Variants in DPP6 observed in about 807,000 individuals in gnomAD.
The protein encoded by DPP6 is dipeptidyl peptidase like 6, also known as A-type potassium channel modulatory protein DPP6.
DPP6 carries 69 observed loss-of-function variants against 122.6 expected under a neutral mutation model. That is an observed-to-expected ratio of 0.56 (90% confidence interval 0.46 to 0.69). The LOEUF (loss-of-function observed/expected upper bound fraction) is 0.69. DPP6 is among the 30% of genes least tolerant of loss of function. The pLI, the probability that DPP6 is intolerant of heterozygous loss-of-function variation, is 0.00. For synonymous variants in DPP6, 418 were observed against 433.1 expected, an observed-to-expected ratio of 0.97 and a Z score of 0.43; for missense variants, 928 against 1,116.9, an observed-to-expected ratio of 0.83 and a Z score of 2.41.
Position 154,570,979 on chromosome 7 carries a change from GTGCT to G in DPP6, c.627+4065_627+4068del, listed in dbSNP as rs548425523. ...GCACCAGCATTATAGTTTGCAATGT[GTGCT>G]TATTTACACCACCTTATTTTATCTC... On this transcript the variant is annotated intron_variant, in intron 5 of 25. Coordinates refer to ENST00000377770, the MANE Select transcript of DPP6 (RefSeq NM_130797.4). Among the ~76,000 whole-genome samples, 315 of 152,288 alleles carry G rather than the reference GTGCT, an allele frequency of 2.1e-3. 5 individuals are homozygous for G. The highest frequency in any genetic ancestry group is 0.01 in the Middle Eastern group (3 of 294).
At chr7:154,716,028 C>G (rs1253540086) in intron 7 of DPP6, among the ~76,000 whole-genome samples, 3 of 152,212 alleles carry the variant, frequency 2.0e-5, no homozygotes, top group Non-Finnish European at 2.9e-5. Flanking sequence ...CACACACCCA[C>G]ACCCTGTAGA....
chr7:154,264,221 G>T (rs1047519877), intron 1 of DPP6, among the ~76,000 whole-genome samples: 1 of 152,112 alleles, frequency 6.6e-6, no homozygotes, highest in Non-Finnish European at 1.5e-5. Flanking sequence ...CTCATTATGT[G>T]TAATGCATTT....
At chr7:154,547,838 C>T (rs1783710912) in intron 4 of DPP6, among the ~76,000 whole-genome samples, 1 of 152,096 alleles carries the variant, frequency 6.6e-6, no homozygotes, top group African/African-American at 2.4e-5. Flanking sequence ...TCTCTTACTA[C>T]AAGATAGAAC....
chr7:154,117,255 G>C (rs1360939853), intron 1 of DPP6, among the ~76,000 whole-genome samples: 3 of 152,222 alleles, frequency 2.0e-5, no homozygotes, highest in African/African-American at 4.8e-5. Flanking sequence ...CAAAATAATT[G>C]AGTGGAGAGA....
At chr7:154,010,099 C>T (rs1345433761) in intron 1 of DPP6, among the ~76,000 whole-genome samples, 1 of 152,120 alleles carries the variant, frequency 6.6e-6, no homozygotes, top group Non-Finnish European at 1.5e-5. Context: ...TTTTCCTGCC[C>T]TGAGACTGAC....
At position 154,892,533 on chromosome 7, in the gene DPP6, G is replaced by A. The variant is rs1198610986; in HGVS notation, c.*53G>A. 4 of 1,601,180 alleles carry A rather than the reference G, an allele frequency of 2.5e-6. No homozygotes were observed. The highest frequency in any genetic ancestry group is 3.4e-6 in the Non-Finnish European group (4 of 1,171,980). On this transcript the variant is annotated 3_prime_UTR_variant, in exon 26 of 26. Transcript: ENST00000377770. ...GCTCTTTCTACAACCAGATGCAACCGAGGGATTTCCCTGCCCTCCCTCTTC... is the reference window on the plus strand; with the variant it reads ...GCTCTTTCTACAACCAGATGCAACCAAGGGATTTCCCTGCCCTCCCTCTTC...
intron 1 of DPP6, among the ~76,000 whole-genome samples, chr7:154,027,877 A>T (rs554419210): frequency 1.6e-3 from 241 of 151,672 alleles, no homozygotes; most frequent in Middle Eastern, 3.4e-3. Flanking sequence ...TGCACCTATC[A>T]TACTGACAGC....
In DPP6 at chr7:154,772,070, G is replaced by A. The variant is rs73498095; in HGVS notation, c.1039-775G>A. On this transcript the variant is annotated intron_variant, in intron 9 of 25. Coordinates refer to ENST00000377770, the MANE Select transcript of DPP6 (RefSeq NM_130797.4). ...CCAGTAGGGTGCCCTTGATTTTACA[G>A]TGAACTCTCAGAAGGTGCTCTGAAG... 4.8e-3 allele frequency among the ~76,000 whole-genome samples: 732 copies of A among 152,254 alleles called. 7 individuals carry two copies. Among genetic ancestry groups the A allele is most frequent in the African/African-American group, 0.017 (713 of 41,540 alleles).
chr7:154,673,085 A>G (rs1344842770), intron 7 of DPP6, among the ~76,000 whole-genome samples: 2 of 152,186 alleles, frequency 1.3e-5, no homozygotes, highest in Non-Finnish European at 2.9e-5. Flanking sequence ...CTCCGTCTGC[A>G]CAGAAAATTC....
intron 5 of DPP6, among the ~76,000 whole-genome samples, chr7:154,627,329 G>T (rs1835149696): frequency 6.6e-6 from 1 of 151,276 alleles, no homozygotes; most frequent in African/African-American, 2.4e-5. Flanking sequence ...CCAAGTAGCT[G>T]GGACTACAGG....
chr7:154,413,977 A>C (rs926050400), intron 1 of DPP6, among the ~76,000 whole-genome samples: 1 of 152,218 alleles, frequency 6.6e-6, no homozygotes, highest in Non-Finnish European at 1.5e-5. Flanking sequence ...ATCATTGAGA[A>C]TAAGTGAAGC....
chr7:154,287,256 T>C (rs1467654881), intron 1 of DPP6, among the ~76,000 whole-genome samples: 1 of 152,228 alleles, frequency 6.6e-6, no homozygotes. Context: ...AGGGTTCACA[T>C]GTGACCATGT....
chr7:153,947,837 A>C (rs1032276435), intron 1 of DPP6, among the ~76,000 whole-genome samples: 1 of 152,282 alleles, frequency 6.6e-6, no homozygotes, highest in African/African-American at 2.4e-5. Context: ...GGTGGGTCCT[A>C]GGACCTCCTT....
At chr7:153,864,308 T>C in the DPP6 span, among the ~76,000 whole-genome samples, 1 of 152,192 alleles carries the variant, frequency 6.6e-6, no homozygotes, top group Non-Finnish European at 1.5e-5. Context: ...CATTGTGGCT[T>C]TGAGTTGATA....
At chr7:154,058,562 G>C (rs1228570637) in intron 1 of DPP6, 1 of 149,200 alleles carries the variant, frequency 6.7e-6, no homozygotes, top group South Asian at 2.1e-4. Flanking sequence ...CATCGCAGAG[G>C]GGGGACGCAC....
At chr7:153,871,493 G>A in the DPP6 span, among the ~76,000 whole-genome samples, 13 of 152,312 alleles carry the variant, frequency 8.5e-5, no homozygotes, top group East Asian at 1.9e-4. Context: ...TGTTAAGCCC[G>A]TTTGGAAAAG....
intron 1 of DPP6, among the ~76,000 whole-genome samples, chr7:154,235,237 C>G (rs1376105862): frequency 6.6e-6 from 1 of 152,192 alleles, no homozygotes; most frequent in Admixed American, 6.5e-5. Context: ...GTGGATGCAC[C>G]TGTTCTGGTC....
At chr7:153,887,704 C>G in exon 1 of DPP6, 1 of 1,613,896 alleles carries the variant, frequency 6.2e-7, no homozygotes, top group Non-Finnish European at 8.5e-7. Context: ...AGGCCATGAT[C>G]AAGACCGCTA....
At chr7:154,510,971 C>G (rs11762895) in intron 3 of DPP6, among the ~76,000 whole-genome samples, 27,278 of 119,720 alleles carry the variant, frequency 0.23, 2,836 homozygotes, top group Admixed American at 0.37. Flanking sequence ...CACACACACA[C>G]AGAGAGAGAG....
Sources: gnomAD v4.1 joint callset for allele counts (sites outside exome capture counted in the v4.1 genomes callset) on GRCh38, gnomAD v4.1.1 for gene constraint, MANE v1.5 for transcripts, NCBI Gene and HGNC (gene_info 2026-07-23, HGNC 2026-07-21) for gene names.